TRAPPC9: variants seen among roughly 807,000 people sequenced by gnomAD.
TRAPPC9 encodes the protein IKK2 binding protein.
In TRAPPC9, 83 loss-of-function variants were observed where a neutral mutation model predicts 124.0. That is an observed-to-expected ratio of 0.67 (90% CI 0.56 to 0.80). The LOEUF (loss-of-function observed/expected upper bound fraction) is 0.80, where lower values mean the gene tolerates loss of function less well. TRAPPC9 is among the 30% of genes least tolerant of loss of function. The pLI, the probability that TRAPPC9 is intolerant of heterozygous loss-of-function variation, is 0.00. For missense variants in TRAPPC9, 1,302 were observed against 1,508.3 expected (o/e 0.86, Z 2.27); for synonymous variants, 638 against 617.5 (o/e 1.03, Z -0.49).
chr8:139,760,563 T>C (rs1820150710), intron 21 of TRAPPC9, among the ~76,000 whole-genome samples: 1 of 152,242 alleles, frequency 6.6e-6, no homozygotes, highest in Non-Finnish European at 1.5e-5. Flanking sequence ...ATTTCTGCAC[T>C]GTCCTTTTGT....
At chr8:140,174,522 T>A (rs912323256) in intron 17 of TRAPPC9, among the ~76,000 whole-genome samples, 4 of 152,310 alleles carry the variant, frequency 2.6e-5, no homozygotes, top group Non-Finnish European at 5.9e-5. Flanking sequence ...AGTATTTCCA[T>A]CATCCCAAAA....
At chr8:139,853,947 ACC>A (rs1563865065) in intron 21 of TRAPPC9, among the ~76,000 whole-genome samples, 2 of 152,266 alleles carry the variant, frequency 1.3e-5, no homozygotes, top group African/African-American at 2.4e-5. Context: ...ACATGTGTAT[ACC>A]ATACGTATAT....
intron 9 of TRAPPC9, among the ~76,000 whole-genome samples, chr8:140,355,215 T>C (rs1356114519): frequency 6.6e-6 from 1 of 152,210 alleles, no homozygotes; most frequent in Non-Finnish European, 1.5e-5. Context: ...AGGGTTATGC[T>C]GCCTTTTCAT....
At chr8:140,024,585 T>A (rs192136556) in intron 17 of TRAPPC9, among the ~76,000 whole-genome samples, 12 of 151,950 alleles carry the variant, frequency 7.9e-5, no homozygotes, top group African/African-American at 2.9e-4. Context: ...TTAGTAGATA[T>A]GGGATTTCAC....
chr8:139,777,707 A>G (rs1201416501), intron 21 of TRAPPC9, among the ~76,000 whole-genome samples: 1 of 152,250 alleles, frequency 6.6e-6, no homozygotes, highest in Non-Finnish European at 1.5e-5. Context: ...CTCCGCCTGG[A>G]ACAAACAACA....
intron 19 of TRAPPC9, among the ~76,000 whole-genome samples, chr8:139,976,578 G>A (rs1317842063): frequency 6.6e-6 from 1 of 152,194 alleles, no homozygotes; most frequent in Non-Finnish European, 1.5e-5. Context: ...CTACGAACCT[G>A]GTTTTAAAAA....
intron 8 of TRAPPC9, among the ~76,000 whole-genome samples, chr8:140,361,819 G>A (rs1165157931): frequency 6.6e-6 from 1 of 152,120 alleles, no homozygotes; most frequent in Non-Finnish European, 1.5e-5. Flanking sequence ...CCCAGGACAG[G>A]GCCTGACGTG....
chr8:139,842,045 T>C (rs919540142), intron 21 of TRAPPC9, among the ~76,000 whole-genome samples: 3 of 152,158 alleles, frequency 2.0e-5, no homozygotes, highest in Non-Finnish European at 2.9e-5. Context: ...AAAGGGGCTT[T>C]GAAATGAGGA....
rs1356679666 is a variant in TRAPPC9, at chr8:139,728,477, A to G, written c.*2584T>C. The stretch of plus-strand genomic sequence containing the variant: ...AGCGTGGGGCCCTGGAAGAGGCTGG[A>G]GGATACTGCGCTGTCACTGAGACAC... On this transcript the variant is annotated 3_prime_UTR_variant, in exon 23 of 23. Coordinates refer to ENST00000438773, the MANE Select transcript of TRAPPC9 (RefSeq NM_001160372.4). Among the ~76,000 whole-genome samples the G allele has an allele frequency of 6.6e-6, 1 of 152,192 alleles. No homozygotes were observed. The highest frequency in any genetic ancestry group is 1.5e-5 in the Non-Finnish European group (1 of 68,032).
At chr8:140,114,334 A>G (rs1467437641) in intron 17 of TRAPPC9, among the ~76,000 whole-genome samples, 1 of 139,864 alleles carries the variant, frequency 7.1e-6, no homozygotes, top group Admixed American at 6.8e-5. Context: ...GGACTGAAGA[A>G]AAAAAAAAAA....
chr8:140,181,115 C>T (rs186727890), intron 17 of TRAPPC9, among the ~76,000 whole-genome samples: 2 of 152,302 alleles, frequency 1.3e-5, no homozygotes, highest in Admixed American at 1.3e-4. Flanking sequence ...ACATTTTCTA[C>T]CTGTCTCACT....
chr8:139,880,623 G>A (rs1162231221), intron 21 of TRAPPC9, among the ~76,000 whole-genome samples: 3 of 152,160 alleles, frequency 2.0e-5, no homozygotes, highest in African/African-American at 7.2e-5. Context: ...ACAATCGAGA[G>A]TCACGTGCCC....
chr8:139,867,043 C>T (rs991077263), intron 21 of TRAPPC9, among the ~76,000 whole-genome samples: 36 of 152,186 alleles, frequency 2.4e-4, no homozygotes, highest in Non-Finnish European at 4.3e-4. Context: ...CCATATTGGC[C>T]AGGCTGGTCT....
At chr8:140,415,313 G>A (rs957647818) in intron 5 of TRAPPC9, among the ~76,000 whole-genome samples, 2 of 152,042 alleles carry the variant, frequency 1.3e-5, no homozygotes, top group African/African-American at 2.4e-5. Context: ...CAGCATTTTA[G>A]GAGGCCAAGG....
At chr8:140,249,696 C>T (rs929487437) in intron 16 of TRAPPC9, among the ~76,000 whole-genome samples, 19 of 150,604 alleles carry the variant, frequency 1.3e-4, no homozygotes, top group East Asian at 7.8e-4. Flanking sequence ...CTCCGCCTCC[C>T]GGGTTCACGC....
chr8:139,784,646 A>ATATATAT lies in TRAPPC9; in HGVS notation c.3056-52445_3056-52444insATATATA, dbSNP rs1290029459. ...ATATATATATATATATATATATATAAATCAACTGCATTTCCATATAGTAAC... is the reference window on the plus strand; with the variant it reads ...ATATATATATATATATATATATATAATATATATATCAACTGCATTTCCATATAGTAAC... On this transcript the variant is annotated intron_variant, in intron 21 of 22. Coordinates refer to ENST00000438773, the MANE Select transcript of TRAPPC9 (RefSeq NM_001160372.4). Among the ~76,000 whole-genome samples the ATATATAT allele has an allele frequency of 1.8e-4, 14 of 79,290 alleles. 1 individual carries two copies. The highest frequency in any genetic ancestry group is 1.4e-3 in the South Asian group (3 of 2,122). The allele number at this position is 79,290 out of a possible 152,430, so 52.0% of individuals were successfully genotyped here. A position where few individuals can be genotyped will look rare whatever the true frequency, so the allele number is the denominator to read the frequency against.
At chr8:139,842,288 AAC>A (rs1261180464) in intron 21 of TRAPPC9, among the ~76,000 whole-genome samples, 1 of 152,086 alleles carries the variant, frequency 6.6e-6, no homozygotes, top group Non-Finnish European at 1.5e-5. Context: ...CTGCTTTTTA[AAC>A]AGTCTAGGCC....
At chr8:139,756,373 G>A (rs1237939887) in intron 21 of TRAPPC9, among the ~76,000 whole-genome samples, 1 of 137,734 alleles carries the variant, frequency 7.3e-6, no homozygotes. Context: ...GGGACAGCAG[G>A]TCGCAGGAGG....
Position 140,442,996 on chromosome 8 carries a change from G to T in TRAPPC9, c.585-3799C>A, listed in dbSNP as rs188372802. Among the ~76,000 whole-genome samples the T allele has an allele frequency of 5.1e-3, 770 of 150,828 alleles. 2 individuals carry two copies. The highest frequency in any genetic ancestry group is 7.1e-3 in the Non-Finnish European group (482 of 67,736). On this transcript the variant is annotated intron_variant, in intron 2 of 22. Transcript: ENST00000438773. Reference sequence around the variant, plus strand: ...AAAAATACAAGAATTAGCTGGGCATGGTGGCACGTGCCTGTAGTCCCAGCT... The same window carrying T: ...AAAAATACAAGAATTAGCTGGGCATTGTGGCACGTGCCTGTAGTCCCAGCT...
Sources: gnomAD v4.1 joint callset for allele counts (sites outside exome capture counted in the v4.1 genomes callset) on GRCh38, gnomAD v4.1.1 for gene constraint, MANE v1.5 for transcripts, NCBI Gene and HGNC (gene_info 2026-07-23, HGNC 2026-07-21) for gene names.